TMEM132D: variants seen among roughly 807,000 people sequenced by gnomAD.
TMEM132D encodes the protein transmembrane protein 132D.
Under a neutral mutation model 62.3 loss-of-function variants are expected in TMEM132D, and 21 were observed. The observed-to-expected ratio is 0.34, with a 90% confidence interval of 0.24 to 0.49. The LOEUF (loss-of-function observed/expected upper bound fraction) is 0.49. Among genes scored for constraint, TMEM132D ranks in the 20% least tolerant of loss-of-function variants. The probability of loss-of-function intolerance (pLI) is 0.99; values close to 1 mark genes in which losing one functional copy is unlikely to be tolerated. For missense variants in TMEM132D, 1,346 were observed against 1,402.8 expected, an observed-to-expected ratio of 0.96 and a Z score of 0.65; for synonymous variants, 621 against 575.6, an observed-to-expected ratio of 1.08 and a Z score of -1.13.
intron 5 of TMEM132D, among the ~76,000 whole-genome samples, chr12:129,158,897 G>A (rs891412303): frequency 2.0e-5 from 3 of 152,194 alleles, no homozygotes; most frequent in Admixed American, 6.5e-5. Context: ...GGGGAAGCAA[G>A]TGCCTTCTTC....
intron 3 of TMEM132D, among the ~76,000 whole-genome samples, chr12:129,488,667 T>C (rs1297041375): frequency 1.3e-5 from 2 of 152,116 alleles, no homozygotes; most frequent in Non-Finnish European, 2.9e-5. Context: ...AGCAAGACTC[T>C]GTCTGGAGGA....
chr12:129,184,071 A>T (rs770964124), intron 5 of TMEM132D, among the ~76,000 whole-genome samples: 3 of 152,158 alleles, frequency 2.0e-5, no homozygotes, highest in Non-Finnish European at 4.4e-5. Flanking sequence ...CTGGGAGGAC[A>T]GTGTGTTCCT....
At chr12:129,698,536 GA>G (rs1256652956) in intron 2 of TMEM132D, among the ~76,000 whole-genome samples, 11 of 40,178 alleles carry the variant, frequency 2.7e-4, no homozygotes, top group Non-Finnish European at 3.6e-4. Flanking sequence ...GGGGAGAGGG[GA>G]AGGGAGGGGA....
chr12:129,569,800 AG>A (rs1186224722), intron 2 of TMEM132D, among the ~76,000 whole-genome samples: 2 of 152,148 alleles, frequency 1.3e-5, no homozygotes, highest in African/African-American at 2.4e-5. Context: ...TGCAAACAAA[AG>A]TTAAATTATC....
chr12:129,716,022 T>G (rs1294754816), intron 1 of TMEM132D, among the ~76,000 whole-genome samples: 1 of 152,178 alleles, frequency 6.6e-6, no homozygotes, highest in Non-Finnish European at 1.5e-5. Flanking sequence ...AAAAGTCCTC[T>G]GAAAAACTGG....
At chr12:129,448,914 T>C (rs559778633) in intron 3 of TMEM132D, among the ~76,000 whole-genome samples, 7 of 152,308 alleles carry the variant, frequency 4.6e-5, no homozygotes, top group Admixed American at 1.3e-4. Context: ...ATAAATCAAA[T>C]ATTTTTAAAT....
intron 1 of TMEM132D, among the ~76,000 whole-genome samples, chr12:129,817,936 AGT>A (rs961659948): frequency 8.4e-5 from 6 of 71,480 alleles, no homozygotes; most frequent in African/African-American, 1.6e-4. Context: ...TGTGGTTTGG[AGT>A]GTGTGTGTGT....
chr12:129,601,841 A>C (rs1014354082), intron 2 of TMEM132D, among the ~76,000 whole-genome samples: 4 of 152,188 alleles, frequency 2.6e-5, no homozygotes, highest in African/African-American at 9.6e-5. Flanking sequence ...GAAAAGTTGA[A>C]ATATTGCTAG....
chr12:129,523,089 CAT>C (rs1454827558), intron 3 of TMEM132D, among the ~76,000 whole-genome samples: 1 of 148,014 alleles, frequency 6.8e-6, no homozygotes, highest in Non-Finnish European at 1.5e-5. Flanking sequence ...AAGGGCTGCA[CAT>C]GTGTGCATAC....
intron 1 of TMEM132D, among the ~76,000 whole-genome samples, chr12:129,841,444 C>T (rs1873191400): frequency 6.6e-6 from 1 of 152,146 alleles, no homozygotes; most frequent in Non-Finnish European, 1.5e-5. Context: ...TTAATCAACC[C>T]TTGGTCCCAG....
At chr12:129,786,661 C>T (rs1326440790) in intron 1 of TMEM132D, among the ~76,000 whole-genome samples, 2 of 152,176 alleles carry the variant, frequency 1.3e-5, no homozygotes, top group Non-Finnish European at 2.9e-5. Flanking sequence ...GAGGCCAAGG[C>T]GGGCAGATCA....
chr12:129,729,262 A>G (rs1869138945), intron 1 of TMEM132D, among the ~76,000 whole-genome samples: 1 of 152,198 alleles, frequency 6.6e-6, no homozygotes, highest in South Asian at 2.1e-4. Context: ...ACTTAGCTCA[A>G]TATAATACAG....
At chr12:129,098,433 A>G (rs531553029) in intron 5 of TMEM132D, among the ~76,000 whole-genome samples, 1 of 152,342 alleles carries the variant, frequency 6.6e-6, no homozygotes, top group South Asian at 2.1e-4. Flanking sequence ...CAAACCATGC[A>G]GTGACAAATG....
intron 1 of TMEM132D, among the ~76,000 whole-genome samples, chr12:129,715,625 C>T (rs920483159): frequency 3.3e-5 from 5 of 152,200 alleles, no homozygotes; most frequent in Admixed American, 2.6e-4. Flanking sequence ...TGCAATTCAA[C>T]GTTCCTTTAC....
At chr12:129,240,025 G>A (rs892442015) in intron 4 of TMEM132D, among the ~76,000 whole-genome samples, 6 of 152,208 alleles carry the variant, frequency 3.9e-5, no homozygotes, top group African/African-American at 1.2e-4. Context: ...TGCAATCAGT[G>A]ATGTCTGCCT....
rs367899049 is a variant in TMEM132D at position 129,867,152 on chromosome 12, T to C, written c.79+36109A>G. 1.7e-3 allele frequency among the ~76,000 whole-genome samples: 262 copies of C among 151,916 alleles called. No homozygotes were observed. Among genetic ancestry groups the C allele is most frequent in the African/African-American group, 6.3e-3 (259 of 41,394 alleles). ...GTATGTGCCTGTAGTCCTAGCTACATGGGAGGCTGAGGCAGGAGGATGGCT... is the reference window on the plus strand; with the variant it reads ...GTATGTGCCTGTAGTCCTAGCTACACGGGAGGCTGAGGCAGGAGGATGGCT... On this transcript the variant is annotated intron_variant, in intron 1 of 8. Transcript: ENST00000422113. This position sits in a 1 kb window ranked among gnomAD's most constrained non-coding sequence, Gnocchi z 4.5.
chr12:129,539,633 A>G (rs1876530620), intron 2 of TMEM132D, among the ~76,000 whole-genome samples: 1 of 150,578 alleles, frequency 6.6e-6, no homozygotes, highest in African/African-American at 2.4e-5. Context: ...ACTGATTTCA[A>G]ACTCCTGGGC....
intron 4 of TMEM132D, among the ~76,000 whole-genome samples, chr12:129,317,487 T>G (rs555496024): frequency 9.2e-5 from 14 of 152,316 alleles, no homozygotes; most frequent in Middle Eastern, 3.4e-3. Flanking sequence ...CCTTCTAGCT[T>G]ATAGGGTTTC....
chr12:129,211,359 C>A (rs1879040817), intron 4 of TMEM132D, among the ~76,000 whole-genome samples: 2 of 152,166 alleles, frequency 1.3e-5, no homozygotes, highest in Non-Finnish European at 2.9e-5. Flanking sequence ...TACTTTCACT[C>A]ATGGTTATTC....
Sources: gnomAD v4.1 joint callset for allele counts (sites outside exome capture counted in the v4.1 genomes callset) on GRCh38, gnomAD v4.1.1 for gene constraint, Gnocchi (gnomAD v3.1) non-coding constraint, MANE v1.5 for transcripts, NCBI Gene and HGNC (gene_info 2026-07-23, HGNC 2026-07-21) for gene names.